Variants in TMEM237 observed in about 807,000 individuals in gnomAD.
TMEM237 encodes the protein amyotrophic lateral sclerosis 2 (juvenile) chromosome region, candidate 4.
Under a neutral mutation model 59.1 loss-of-function variants are expected in TMEM237, and 51 were observed. The ratio of observed to expected loss-of-function variants is 0.86; its 90% CI spans 0.69 to 1.09. TMEM237 has a LOEUF of 1.09. Ranked by LOEUF, TMEM237 falls within the 50% of genes least tolerant of loss-of-function variation. The probability of loss-of-function intolerance (pLI) is 0.00; values close to 1 mark genes in which losing one functional copy is unlikely to be tolerated. For synonymous variants in TMEM237, 140 were observed against 166.1 expected (o/e 0.84, Z 1.21); for missense variants, 475 against 478.3 (o/e 0.99, Z 0.06).
chr2:201,624,648 C>A (rs532093362), intron 12 of TMEM237, among the ~76,000 whole-genome samples: 78 of 152,218 alleles, frequency 5.1e-4, no homozygotes, highest in Non-Finnish European at 8.7e-4. Flanking sequence ...ATGTCTAATT[C>A]TACAGTGATC....
At position 201,636,821 on chromosome 2, in the gene TMEM237, T is replaced by C. The variant is rs1386039635; in HGVS notation, c.201A>G (p.Pro67=). ...AGRRPSEGNE[P]STKELKEHPE... ...GGTGCTCTTTGAGTTCTTTAGTTGA[T>C]GGCTCATTGCCCTCAGAGGGCCTTC... Residue 67 remains proline, a synonymous_variant, in exon 5 of 13, where the codon CCA becomes CCG. Transcript: ENST00000409883. 2 of 1,603,980 alleles carry C rather than the reference T, an allele frequency of 1.2e-6. No homozygotes were observed. The highest frequency in any genetic ancestry group is 1.1e-5 in the South Asian group (1 of 88,794).
At position 201,624,166 on chromosome 2, in the gene TMEM237, A is replaced by C. The variant is rs569110005; in HGVS notation, c.*89T>G. On this transcript the variant is annotated 3_prime_UTR_variant, in exon 13 of 13. Transcript: ENST00000409883. Reference sequence around the variant, plus strand: ...TTATATAATCAAAAAATCTATTACAAATACACATGTATACATCTTATAAAA... The same window carrying C: ...TTATATAATCAAAAAATCTATTACACATACACATGTATACATCTTATAAAA... 33 of 866,358 alleles carry C rather than the reference A, an allele frequency of 3.8e-5. No homozygotes were observed. The African/African-American group carries it at 5.5e-4, about 14-fold the overall frequency. The allele number at this position is 866,358 out of a possible 1,614,324, so 53.7% of individuals were successfully genotyped here.
chr2:201,629,774 G>T lies in TMEM237; in HGVS notation c.632C>A (p.Ser211Tyr). ...AAGTGCCACATCTCTGGTGGTCCAG[G>T]AAGGCTTCACGTCCATTGACACATC... The part of the protein sequence containing the change: ...NIDVSMDVKP[S>Y]WTTRDVALTV... Residue 211 changes from serine (S) to tyrosine (Y), a missense_variant, in exon 8 of 13, where the codon TCC becomes TAC. Transcript: ENST00000409883. 1 of 1,613,516 alleles carries T rather than the reference G, an allele frequency of 6.2e-7. No individual in the cohort carries two copies. Among genetic ancestry groups the T allele is most frequent in the South Asian group, 1.1e-5 (1 of 90,950 alleles).
chr2:201,640,274 T>A lies in TMEM237; in HGVS notation c.75-9A>T. The A allele has an allele frequency of 6.4e-7, 1 of 1,552,078 alleles. No homozygotes were observed. The highest frequency in any genetic ancestry group is 1.2e-5 in the South Asian group (1 of 80,914). On this transcript the variant is annotated splice_polypyrimidine_tract_variant and intron_variant, in intron 2 of 12. Coordinates refer to ENST00000409883, the MANE Select transcript of TMEM237 (RefSeq NM_001044385.3). ...AAACTAACTCACCTTGACTAACACG[T>A]CATATAACACCAAACAAATTTAATC...
chr2:201,628,830 G>A (rs553732753), intron 9 of TMEM237, among the ~76,000 whole-genome samples: 122 of 152,324 alleles, frequency 8.0e-4, no homozygotes, highest in Non-Finnish European at 1.3e-3. Flanking sequence ...CATCCTGATT[G>A]CAGACTGCTC....
intron 12 of TMEM237, among the ~76,000 whole-genome samples, chr2:201,625,021 G>A (rs1414442741): frequency 6.6e-6 from 1 of 152,128 alleles, no homozygotes; most frequent in Non-Finnish European, 1.5e-5. Flanking sequence ...GTTGTAAATA[G>A]TTGGTCAAAT....
chr2:201,633,741 C>T (rs1211486581), intron 5 of TMEM237, among the ~76,000 whole-genome samples: 2 of 152,176 alleles, frequency 1.3e-5, no homozygotes, highest in South Asian at 4.1e-4. Flanking sequence ...GAAATCATCA[C>T]ACTCACAATT....
chr2:201,636,483 C>A, intron 5 of TMEM237: 1 of 330,076 alleles, frequency 3.0e-6, no homozygotes, highest in Admixed American at 4.9e-5. Flanking sequence ...CTAGATTTTT[C>A]TATGCACTGA....
rs371067050 is a variant in TMEM237 at position 201,640,862 on chromosome 2, C to T, written c.74+31G>A. The stretch of plus-strand genomic sequence containing the variant: ...GTCTTCATTTTCCATTTTTAAAGCT[C>T]AATAATGAAATTACTGTAAATTATT... On this transcript the variant is annotated intron_variant, in intron 2 of 12. Coordinates refer to ENST00000409883, the MANE Select transcript of TMEM237 (RefSeq NM_001044385.3). 2.7e-5 allele frequency: 41 copies of T among 1,530,204 alleles called. No homozygotes were observed. The African/African-American group carries it at 5.0e-4, about 19-fold the overall frequency. 94.8% of individuals were successfully genotyped at this position (1,530,204 alleles called of 1,614,324 possible). A position where few individuals can be genotyped will look rare whatever the true frequency, so the allele number is the denominator to read the frequency against.
chr2:201,624,117 A>C lies in TMEM237; in HGVS notation c.*138T>G, dbSNP rs1957735545. On this transcript the variant is annotated 3_prime_UTR_variant, in exon 13 of 13. Coordinates refer to ENST00000409883, the MANE Select transcript of TMEM237 (RefSeq NM_001044385.3). ...AGCAAACACAATTTTAACATTTTTC[A>C]TAATATTGAGAGATGTTTCAGTATT... 2.0e-6 allele frequency: 1 copy of C among 505,618 alleles called. No individual in the cohort carries two copies. The highest frequency in any genetic ancestry group is 4.7e-5 in the South Asian group (1 of 21,224). 31.3% of individuals were successfully genotyped at this position (505,618 alleles called of 1,614,324 possible). A position where few individuals can be genotyped will look rare whatever the true frequency, so the allele number is the denominator to read the frequency against.
intron 4 of TMEM237, chr2:201,638,479 A>G (rs1344034797): frequency 1.3e-5 from 2 of 152,568 alleles, no homozygotes; most frequent in African/African-American, 4.8e-5. Flanking sequence ...GTTTAGAGTT[A>G]CGGATGCAAC....
chr2:201,636,783 A>G lies in TMEM237; in HGVS notation c.239T>C (p.Val80Ala), dbSNP rs1325980885. Residue 80 changes from valine to alanine, a missense_variant, in exon 5 of 13, where the codon GTT (valine) becomes GCT (alanine). Coordinates refer to ENST00000409883, the MANE Select transcript of TMEM237 (RefSeq NM_001044385.3). ...CCTTGTCTTTTTCTGTCTTCTTTGAACAGGAGCCTCTGGGTGCTCTTTGAG... is the reference window on the plus strand; with the variant it reads ...CCTTGTCTTTTTCTGTCTTCTTTGAGCAGGAGCCTCTGGGTGCTCTTTGAG... The part of the protein sequence containing the change: ...KELKEHPEAP[V>A]QRRQKKTRLP... The G allele has an allele frequency of 1.9e-6, 3 of 1,585,988 alleles. No individual in the cohort carries two copies. The African/African-American group carries it at 4.0e-5, about 21-fold the overall frequency.
intron 1 of TMEM237, chr2:201,642,556 G>C (rs1331259025): frequency 1.3e-5 from 20 of 1,588,606 alleles, no homozygotes; most frequent in East Asian, 2.4e-5. Flanking sequence ...AAGTAGGACG[G>C]CTCAACTGAA....
intron 1 of TMEM237, 58 bp from the exon 2 acceptor site, chr2:201,640,982 A>C (rs1338001333): frequency 6.6e-7 from 1 of 1,512,600 alleles, no homozygotes; most frequent in Non-Finnish European, 9.0e-7. Flanking sequence ...CTTTACTTCA[A>C]ATACCATCAC....
Position 201,629,358 on chromosome 2 carries a change from T to A in TMEM237, c.741A>T (p.Ile247=). 1 of 1,609,176 alleles carries A rather than the reference T, an allele frequency of 6.2e-7. No individual in the cohort carries two copies. The highest frequency in any genetic ancestry group is 8.5e-7 in the Non-Finnish European group (1 of 1,178,396). ...AGCAVWNIVV[I]YVLAGDQLSN... ...ATAGCTGATCTCCTGCTAGAACATA[T>A]ATCACAACAATATTCCACACAGCAC... is the stretch of plus-strand genomic sequence containing the variant. Residue 247 remains isoleucine, a synonymous_variant, in exon 9 of 13, where the codon ATA becomes ATT. Transcript: ENST00000409883.
Position 201,643,398 on chromosome 2 carries a change from CATG to C in TMEM237, c.-1_2del. On this transcript the variant is annotated start_lost and 5_prime_UTR_variant, in exon 1 of 13. Coordinates refer to ENST00000409883, the MANE Select transcript of TMEM237 (RefSeq NM_001044385.3). This position sits in a 1 kb window ranked among gnomAD's most constrained non-coding sequence, Gnocchi z 4.3. ...CCAGCCGAGCCCCCGAGTCAGTCCT[CATG>C]GTGCTCTCCCCGCGGGGCTGCCCCG... is the stretch of plus-strand genomic sequence containing the variant. 6.5e-7 allele frequency: 1 copy of C among 1,532,784 alleles called. No individual in the cohort carries two copies. The highest frequency in any genetic ancestry group is 8.8e-7 in the Non-Finnish European group (1 of 1,139,118). 94.9% of individuals were successfully genotyped at this position (1,532,784 alleles called of 1,614,324 possible). A position where few individuals can be genotyped will look rare whatever the true frequency, so the allele number is the denominator to read the frequency against.
intron 3 of TMEM237, 83 bp from the exon 4 acceptor site, chr2:201,639,128 G>A: frequency 1.6e-6 from 2 of 1,276,126 alleles, no homozygotes; most frequent in East Asian, 2.5e-5. Flanking sequence ...TTTTAAACAG[G>A]GAAGAATTCT....
At position 201,633,370 on chromosome 2, in the gene TMEM237, A is replaced by G. The variant is rs1687221696; in HGVS notation, c.336T>C (p.Asn112=). 1 of 1,593,144 alleles carries G rather than the reference A, an allele frequency of 6.3e-7. No individual in the cohort carries two copies. Among genetic ancestry groups the G allele is most frequent in the Non-Finnish European group, 8.6e-7 (1 of 1,169,258 alleles). ...SSSSSLLRNE[N]GIDAEPAEEA... The stretch of plus-strand genomic sequence containing the variant: ...CCTCAGCTGGCTCCGCATCAATACC[A>G]TTTTCATTTCGTAATAAAGATGAAC... Residue 112 remains asparagine (N), a synonymous_variant, in exon 6 of 13, where the codon AAT becomes AAC. Coordinates refer to ENST00000409883, the MANE Select transcript of TMEM237 (RefSeq NM_001044385.3).
At chr2:201,634,316 A>C (rs561603238) in intron 5 of TMEM237, 2 of 152,400 alleles carry the variant, frequency 1.3e-5, no homozygotes, top group Non-Finnish European at 2.9e-5. Flanking sequence ...TACCTTCAAG[A>C]CCTTACAATT....
Sources: allele counts gnomAD v4.1 joint callset (sites outside exome capture counted in the v4.1 genomes callset), GRCh38; gene constraint gnomAD v4.1.1; non-coding constraint Gnocchi (gnomAD v3.1); transcripts MANE v1.5; gene names NCBI Gene and HGNC (gene_info 2026-07-23, HGNC 2026-07-21).